Variants in DNAH2 observed in about 807,000 individuals in gnomAD.
DNAH2 encodes the protein axonemal beta dynein heavy chain 2.
A neutral mutation model predicts 523.5 loss-of-function variants in DNAH2; 323 were observed. That is an observed-to-expected ratio of 0.62 (90% CI 0.56 to 0.68). The LOEUF (loss-of-function observed/expected upper bound fraction) is 0.68, where lower values mean the gene tolerates loss of function less well. DNAH2 is among the 30% of genes least tolerant of loss of function. The pLI is 0.00. For synonymous variants in DNAH2, 2,093 were observed against 2,177.4 expected (o/e 0.96, Z 1.08); for missense variants, 4,907 against 5,701.5 (o/e 0.86, Z 4.49).
chr17:7,727,462 C>T (rs566309305), intron 4 of DNAH2, among the ~76,000 whole-genome samples, 170 bp downstream of exon 4: 41 of 152,264 alleles, frequency 2.7e-4, no homozygotes, highest in Admixed American at 8.5e-4. Context: ...GACGCAAGAA[C>T]GCTGTCATGG....
chr17:7,772,597 C>A (rs1458623951), intron 28 of DNAH2, among the ~76,000 whole-genome samples: 1 of 152,184 alleles, frequency 6.6e-6, no homozygotes. Context: ...AGTTCACACT[C>A]ACTAGTGTCC....
chr17:7,793,451 C>CTTTCTTTCTTTCTTTCTT, intron 48 of DNAH2, among the ~76,000 whole-genome samples: 1 of 54,166 alleles, frequency 1.8e-5, no homozygotes, highest in East Asian at 6.5e-4. Flanking sequence ...CTTTCTTTTT[C>CTTTCTTTCTTTCTTTCTT]TTTCTTTCTT....
intron 11 of DNAH2, among the ~76,000 whole-genome samples, chr17:7,742,081 G>A (rs967549417): frequency 2.0e-5 from 3 of 152,138 alleles, no homozygotes; most frequent in Admixed American, 6.5e-5. Context: ...CACCCTTACA[G>A]AGCCTGGTCT....
intron 18 of DNAH2, among the ~76,000 whole-genome samples, chr17:7,761,493 C>CTT (rs535161420): frequency 7.1e-6 from 1 of 141,826 alleles, no homozygotes; most frequent in Non-Finnish European, 1.6e-5. Flanking sequence ...GGAAGAAAAT[C>CTT]TTTTTTTTTT....
chr17:7,824,453 C>T (rs2077963148), intron 76 of DNAH2, 84 bp from the exon 77 acceptor site: 25 of 1,399,698 alleles, frequency 1.8e-5, no homozygotes, highest in Non-Finnish European at 2.2e-5. Context: ...CCCCCCAGCA[C>T]CCCCACCCCA....
intron 73 of DNAH2, among the ~76,000 whole-genome samples, chr17:7,823,226 AG>A (rs2077910884): frequency 6.6e-6 from 1 of 151,068 alleles, no homozygotes; most frequent in Non-Finnish European, 1.5e-5. Flanking sequence ...CCTGGGGGTC[AG>A]AGGTTGCAGT....
At chr17:7,730,522 G>A (rs1025208058) in intron 4 of DNAH2, among the ~76,000 whole-genome samples, 4 of 152,200 alleles carry the variant, frequency 2.6e-5, no homozygotes, top group East Asian at 1.9e-4. Context: ...AAAATTTGTT[G>A]CACATCTTGG....
Position 7,807,130 on chromosome 17 carries a change from C to T in DNAH2, c.9443-20C>T, listed in dbSNP as rs1226903782. The stretch of plus-strand genomic sequence containing the variant: ...ATGGCATTAAGCCTCTGGCTAAGGC[C>T]CCTAATTTTCATCCCACAGGGGAAC... On this transcript the variant is annotated intron_variant, in intron 61 of 85. Coordinates refer to ENST00000572933, the MANE Select transcript of DNAH2 (RefSeq NM_020877.5). This position sits in a 1 kb window ranked among gnomAD's most constrained non-coding sequence, Gnocchi z 5.6. 4 of 1,599,992 alleles carry T rather than the reference C, an allele frequency of 2.5e-6. No individual in the cohort carries two copies. The highest frequency in any genetic ancestry group is 3.4e-6 in the Non-Finnish European group (4 of 1,178,720).
chr17:7,794,404 G>T, intron 49 of DNAH2, 46 bp downstream of exon 49: 1 of 1,536,484 alleles, frequency 6.5e-7, no homozygotes, highest in South Asian at 1.2e-5. Flanking sequence ...GGTAGGAGGT[G>T]AAACGTGTCT....
intron 3 of DNAH2, among the ~76,000 whole-genome samples, chr17:7,725,116 G>T (rs953429306): frequency 6.7e-6 from 1 of 148,610 alleles, no homozygotes; most frequent in Non-Finnish European, 1.5e-5. Context: ...TTGAGACAGA[G>T]TCTTGGTCTG....
chr17:7,727,572 A>C (rs752177422), intron 4 of DNAH2, among the ~76,000 whole-genome samples: 1 of 152,118 alleles, frequency 6.6e-6, no homozygotes, highest in Non-Finnish European at 1.5e-5. Flanking sequence ...CCTGGCCAAC[A>C]TGGTGAAACC....
chr17:7,787,360 A>T lies in DNAH2; in HGVS notation c.6603+327A>T, dbSNP rs1009958561. ...TATGAATTCACGGACTGGCAAGCAC[A>T]CCCTTTTCCACCCACTCCAACAATG... is the stretch of plus-strand genomic sequence containing the variant. On this transcript the variant is annotated intron_variant, in intron 42 of 85. Coordinates refer to ENST00000572933, the MANE Select transcript of DNAH2 (RefSeq NM_020877.5). 7.3e-6 allele frequency: 3 copies of T among 409,654 alleles called. No individual in the cohort carries two copies. In the Admixed American group the frequency reaches 1.2e-4, roughly 17 times the overall value. 25.4% of individuals were successfully genotyped at this position (409,654 alleles called of 1,614,324 possible). A position where few individuals can be genotyped will look rare whatever the true frequency, so the allele number is the denominator to read the frequency against.
rs1282407083 is a variant in DNAH2 at position 7,754,662 on chromosome 17, C to T, written c.1905-2429C>T. ...GATCCCAAAGGGTGTCAGCCATAAACTTGATCGACTTGCCTACATTGCCCA... is the reference window on the plus strand; with the variant it reads ...GATCCCAAAGGGTGTCAGCCATAAATTTGATCGACTTGCCTACATTGCCCA... On this transcript the variant is annotated intron_variant, in intron 12 of 85. Coordinates refer to ENST00000572933, the MANE Select transcript of DNAH2 (RefSeq NM_020877.5). This position sits in a 1 kb window ranked among gnomAD's most constrained non-coding sequence, Gnocchi z 4.6. The T allele has an allele frequency of 1.5e-6, 2 of 1,335,626 alleles. No homozygotes were observed. The highest frequency in any genetic ancestry group is 1.4e-5 in the African/African-American group (1 of 69,966). 82.7% of individuals were successfully genotyped at this position (1,335,626 alleles called of 1,614,324 possible).
At position 7,743,401 on chromosome 17, in the gene DNAH2, C is replaced by G. The variant is rs1278331866; in HGVS notation, c.1904+259C>G. 9 of 699,704 alleles carry G rather than the reference C, an allele frequency of 1.3e-5. No homozygotes were observed. The East Asian group carries it at 2.4e-4, about 19-fold the overall frequency. 43.3% of individuals were successfully genotyped at this position (699,704 alleles called of 1,614,324 possible). A position where few individuals can be genotyped will look rare whatever the true frequency, so the allele number is the denominator to read the frequency against. ...CAATGATCGGCCAGGCACGGTGGCT[C>G]ACACCTGTAATCCCAGCACTTTGGG... is the stretch of plus-strand genomic sequence containing the variant. On this transcript the variant is annotated intron_variant, in intron 12 of 85. Coordinates refer to ENST00000572933, the MANE Select transcript of DNAH2 (RefSeq NM_020877.5).
At chr17:7,761,050 T>C in intron 18 of DNAH2, 118 bp downstream of exon 18, 1 of 1,288,424 alleles carries the variant, frequency 7.8e-7, no homozygotes, top group East Asian at 2.3e-5. Flanking sequence ...GTGTCCTCAA[T>C]GACAGGAAAA....
intron 44 of DNAH2, among the ~76,000 whole-genome samples, chr17:7,790,477 C>T (rs2151270140): frequency 6.6e-6 from 1 of 152,284 alleles, no homozygotes; most frequent in Admixed American, 6.5e-5. Context: ...CTGCCTCAGC[C>T]TCTCAAAGTG....
intron 21 of DNAH2, 94 bp downstream of exon 21, chr17:7,765,659 G>A (rs752407619): frequency 2.6e-5 from 37 of 1,440,560 alleles, no homozygotes; most frequent in Non-Finnish European, 2.0e-5. Flanking sequence ...ACTGGGAGGG[G>A]AGGAGGAGGG....
At chr17:7,826,547 T>TTC (rs2078024340) in intron 77 of DNAH2, among the ~76,000 whole-genome samples, 1 of 147,686 alleles carries the variant, frequency 6.8e-6, no homozygotes, top group East Asian at 2.0e-4. Context: ...TTTTTTTTTT[T>TTC]TTTTTTTTTT....
chr17:7,792,419 A>G, intron 46 of DNAH2, 76 bp downstream of exon 46: 1 of 1,469,200 alleles, frequency 6.8e-7, no homozygotes, highest in Non-Finnish European at 9.5e-7. Context: ...GATGGGGCCT[A>G]GAAGCAAAAA....
Sources: gnomAD v4.1 joint callset for allele counts (sites outside exome capture counted in the v4.1 genomes callset) on GRCh38, gnomAD v4.1.1 for gene constraint, Gnocchi (gnomAD v3.1) non-coding constraint, MANE v1.5 for transcripts, NCBI Gene and HGNC (gene_info 2026-07-23, HGNC 2026-07-21) for gene names.